Variants in PCLO observed in about 807,000 individuals in gnomAD.
The protein encoded by PCLO is protein piccolo.
A neutral mutation model predicts 427.5 loss-of-function variants in PCLO; 82 were observed. The observed-to-expected ratio is 0.19, with a 90% confidence interval of 0.16 to 0.23. The LOEUF is 0.23. Among genes scored for constraint, PCLO ranks in the 10% least tolerant of loss-of-function variants. The pLI is 1.00. For missense variants in PCLO, 6,239 were observed against 6,115.9 expected, an observed-to-expected ratio of 1.02 and a Z score of -0.67; for synonymous variants, 2,357 against 2,155.4, an observed-to-expected ratio of 1.09 and a Z score of -2.59.
chr7:83,019,659 T>C (rs1788294034), intron 3 of PCLO, among the ~76,000 whole-genome samples: 2 of 152,044 alleles, frequency 1.3e-5, no homozygotes, highest in African/African-American at 4.8e-5. Flanking sequence ...AGCTACTATT[T>C]AGGAGAACCA....
chr7:83,019,067 T>C (rs1788277444), intron 3 of PCLO, among the ~76,000 whole-genome samples: 1 of 152,074 alleles, frequency 6.6e-6, no homozygotes, highest in South Asian at 2.1e-4. Flanking sequence ...AAGTATAATT[T>C]ATTATATTTT....
At chr7:82,812,011 T>A (rs925165320) in intron 20 of PCLO, among the ~76,000 whole-genome samples, 1 of 151,420 alleles carries the variant, frequency 6.6e-6, no homozygotes, top group Non-Finnish European at 1.5e-5. Context: ...TTTTTTCTTA[T>A]AAAAATAAAA....
At position 82,826,623 on chromosome 7, in the gene PCLO, T is replaced by C. The variant is rs755837242; in HGVS notation, c.14381A>G (p.Tyr4794Cys). Reference protein sequence around the residue: ...KKTLEVTVWDYDRFSSNDFLG... With the variant: ...KKTLEVTVWDCDRFSSNDFLG... ...GAAGTCGTTGGATGAAAATCTATCA[T>C]AATCCCAAACTGTCACCTCCAGTGT... The change falls in exon 18 of 25, where the codon TAT (tyrosine) becomes TGT (cysteine). Residue 4794 changes from tyrosine (Y) to cysteine (C), a missense_variant. Physicochemically the swap from Tyr to Cys is radical, Grantham distance 194. This residue lies in a region of PCLO where 877 missense variants were observed against 925.5 expected (regional missense o/e 0.95). Transcript: ENST00000333891. The C allele has an allele frequency of 1.2e-6, 2 of 1,608,232 alleles. No individual in the cohort carries two copies. The highest frequency in any genetic ancestry group is 8.5e-7 in the Non-Finnish European group (1 of 1,176,442).
chr7:83,071,310 A>C (rs1265401755), intron 3 of PCLO, among the ~76,000 whole-genome samples: 2 of 152,212 alleles, frequency 1.3e-5, no homozygotes, highest in East Asian at 3.8e-4. Flanking sequence ...AAACTGTTTT[A>C]AAGTATTTCT....
At chr7:82,830,336 T>C (rs1190591244) in intron 16 of PCLO, among the ~76,000 whole-genome samples, 1 of 151,940 alleles carries the variant, frequency 6.6e-6, no homozygotes, top group Non-Finnish European at 1.5e-5. Context: ...TGGATTCTTT[T>C]TTTGATGGTG....
At chr7:83,038,531 G>C in intron 3 of PCLO, among the ~76,000 whole-genome samples, 1 of 151,830 alleles carries the variant, frequency 6.6e-6, no homozygotes, top group East Asian at 1.9e-4. Context: ...ATGTTTTAAA[G>C]ATTCACCTAT....
At chr7:83,030,537 G>A (rs1050547224) in intron 3 of PCLO, among the ~76,000 whole-genome samples, 4 of 151,956 alleles carry the variant, frequency 2.6e-5, no homozygotes, top group South Asian at 2.1e-4. Context: ...AATTTATACT[G>A]CAGTATATCC....
At chr7:83,024,865 G>C (rs1332073758) in intron 3 of PCLO, among the ~76,000 whole-genome samples, 1 of 152,092 alleles carries the variant, frequency 6.6e-6, no homozygotes, top group Admixed American at 6.5e-5. Context: ...TCACACGGCA[G>C]GGTACTCCAA....
intron 22 of PCLO, among the ~76,000 whole-genome samples, chr7:82,763,321 C>A (rs902147563): frequency 2.6e-5 from 4 of 151,966 alleles, no homozygotes; most frequent in Non-Finnish European, 5.9e-5. Context: ...TAAATATCAA[C>A]CAAGTGAAAA....
intron 22 of PCLO, among the ~76,000 whole-genome samples, chr7:82,773,727 T>TG (rs1790692145): frequency 6.6e-6 from 1 of 151,998 alleles, no homozygotes; most frequent in African/African-American, 2.4e-5. Flanking sequence ...TGCTATTCTT[T>TG]TTTTTTTTAT....
In PCLO at chr7:82,954,455, G is replaced by A; in HGVS notation, c.6498C>T (p.Tyr2166=). The A allele has an allele frequency of 1.9e-6, 3 of 1,613,968 alleles. No homozygotes were observed. Among genetic ancestry groups the A allele is most frequent in the East Asian group, 2.2e-5 (1 of 44,880 alleles). ...ATGTAGCACTTTCTGAAGGCTCCGA[G>A]TAGGTCAAAATCAGCGATTCATGGG... ...IIAHESLILT[Y]SEPSESATSV... Residue 2166 remains tyrosine (Y), a synonymous_variant, in exon 5 of 25, where the codon TAC becomes TAT. Coordinates refer to ENST00000333891, the MANE Select transcript of PCLO (RefSeq NM_033026.6).
intron 3 of PCLO, among the ~76,000 whole-genome samples, chr7:83,098,997 C>G (rs62458614): frequency 8.6e-5 from 13 of 151,722 alleles, no homozygotes; most frequent in Non-Finnish European, 1.5e-4. Context: ...TGGAAAAACA[C>G]AAGACATATC....
chr7:82,982,849 T>C (rs947990048), intron 3 of PCLO, among the ~76,000 whole-genome samples: 3 of 151,944 alleles, frequency 2.0e-5, no homozygotes, highest in Non-Finnish European at 2.9e-5. Flanking sequence ...GGTTAGGATT[T>C]ACAATTAACC....
intron 7 of PCLO, among the ~76,000 whole-genome samples, chr7:82,910,692 T>G (rs981135253): frequency 1.3e-5 from 2 of 152,168 alleles, no homozygotes; most frequent in African/African-American, 4.8e-5. Context: ...ATAAACACAT[T>G]TAAAATATTA....
chr7:82,831,431 C>T (rs1429932995), intron 16 of PCLO, among the ~76,000 whole-genome samples: 1 of 151,866 alleles, frequency 6.6e-6, no homozygotes, highest in Non-Finnish European at 1.5e-5. Flanking sequence ...AATTTAAATA[C>T]ATAATTTTTA....
intron 2 of PCLO, among the ~76,000 whole-genome samples, chr7:83,150,776 CGCAA>C (rs375741509): frequency 6.7e-4 from 102 of 152,140 alleles, no homozygotes; most frequent in Middle Eastern, 3.4e-3. Context: ...CCATACATTA[CGCAA>C]GCAAAGATTT....
chr7:82,770,103 C>G (rs149539060), intron 22 of PCLO, among the ~76,000 whole-genome samples: 2 of 151,980 alleles, frequency 1.3e-5, no homozygotes, highest in South Asian at 2.1e-4. Flanking sequence ...TTTATTGTTT[C>G]TATTCTACCA....
At chr7:82,837,001 G>T (rs1053491187) in intron 15 of PCLO, among the ~76,000 whole-genome samples, 1 of 152,068 alleles carries the variant, frequency 6.6e-6, no homozygotes, top group Non-Finnish European at 1.5e-5. Context: ...TGCTATTGAT[G>T]GGTAGTATAT....
chr7:82,807,698 G>T (rs1791483043), intron 20 of PCLO, among the ~76,000 whole-genome samples: 1 of 151,974 alleles, frequency 6.6e-6, no homozygotes, highest in Admixed American at 6.6e-5. Flanking sequence ...CCCTTCCCGA[G>T]AATAGGGAAC....
Sources: gnomAD v4.1 joint callset for allele counts (sites outside exome capture counted in the v4.1 genomes callset) on GRCh38, gnomAD v4.1.1 for gene constraint, gnomAD v4.1.1 regional missense constraint, MANE v1.5 for transcripts, NCBI Gene and HGNC (gene_info 2026-07-23, HGNC 2026-07-21) for gene names.